OTC: variants seen among roughly 807,000 people sequenced by gnomAD.
OTC encodes ornithine transcarbamylase, mitochondrial.
In OTC, 3 loss-of-function variants were observed where a neutral mutation model predicts 30.3. The observed-to-expected ratio is 0.10, with a 90% CI of 0.05 to 0.26. OTC has a LOEUF of 0.26. OTC is among the 10% of genes least tolerant of loss of function. The pLI is 1.00. For missense variants in OTC, 194 were observed against 260.3 expected (o/e 0.75, Z 1.75); for synonymous variants, 111 against 99.7 (o/e 1.11, Z -0.67).
chrX:38,409,744 G>A (rs1373585213), intron 8 of OTC, among the ~76,000 whole-genome samples: 3 of 112,591 alleles, frequency 2.7e-5, no homozygotes, highest in African/African-American at 9.7e-5. Context: ...TGTCAGCAAA[G>A]CAACAAATCT....
chrX:38,346,268 T>C, the OTC span, among the ~76,000 whole-genome samples: 1 of 112,048 alleles, frequency 8.9e-6, no homozygotes, highest in Non-Finnish European at 1.9e-5. Context: ...TACATAACTG[T>C]TGGGGTGACA....
intron 8 of OTC, among the ~76,000 whole-genome samples, chrX:38,410,776 C>A (rs1156962602): frequency 8.9e-6 from 1 of 111,993 alleles, no homozygotes; most frequent in Admixed American, 9.5e-5. Context: ...GATTGAAGAA[C>A]AGTCATTTTG....
At chrX:38,408,711 C>T in intron 6 of OTC, 31 bp from the exon 7 acceptor site, 1 of 1,067,375 alleles carries the variant, frequency 9.4e-7, no homozygotes, top group Non-Finnish European at 1.3e-6. Flanking sequence ...ATAAAATTAC[C>T]TAAATAAGAT....
chrX:38,372,478 T>G (rs2068328004), intron 3 of OTC, among the ~76,000 whole-genome samples: 2 of 112,879 alleles, frequency 1.8e-5, no homozygotes, highest in African/African-American at 6.4e-5. Context: ...TCATGTTTTC[T>G]TCTAGTAAAA....
chrX:38,335,829 G>A, the OTC span, among the ~76,000 whole-genome samples: 1 of 111,503 alleles, frequency 9.0e-6, no homozygotes, highest in Non-Finnish European at 1.9e-5. Context: ...TTCTGTGGGC[G>A]ACTTTTTCCT....
the OTC span, among the ~76,000 whole-genome samples, chrX:38,332,044 G>A: frequency 9.1e-6 from 1 of 110,462 alleles, no homozygotes; most frequent in African/African-American, 3.3e-5. Context: ...TCCACCCCCT[G>A]TCAGATCAGT....
chrX:38,352,664 G>T lies in OTC; in HGVS notation c.-33G>T, dbSNP rs765809365. On this transcript the variant is annotated 5_prime_UTR_variant, in exon 1 of 10. Transcript: ENST00000039007. The stretch of plus-strand genomic sequence containing the variant: ...CTAACTTGCTGTGGAGTTTTCAAGG[G>T]CATAGAATCGTCCTTTACACAATTA... 7.3e-6 allele frequency: 8 copies of T among 1,089,851 alleles called. No individual in the cohort carries two copies. The East Asian group carries it at 2.4e-4, about 33-fold the overall frequency. The allele number at this position is 1,089,851 out of a possible 1,213,427, so 89.8% of individuals were successfully genotyped here. A position where few individuals can be genotyped will look rare whatever the true frequency, so the allele number is the denominator to read the frequency against.
intron 3 of OTC, among the ~76,000 whole-genome samples, chrX:38,370,405 G>A (rs1350013505): frequency 8.9e-6 from 1 of 111,745 alleles, no homozygotes; most frequent in East Asian, 2.8e-4. Flanking sequence ...CTGGTCCTTG[G>A]TCATTAGAAC....
chrX:38,340,459 G>GTTTTTTTTTTTTTTTTTTTTTTTTTT, the OTC span, among the ~76,000 whole-genome samples: 1 of 60,540 alleles, frequency 1.7e-5, no homozygotes, highest in Admixed American at 2.2e-4. Flanking sequence ...TTGTTTTTTT[G>GTTTTTTTTTTTTTTTTTTTTTTTTTT]TTTTTTTTTT....
chrX:38,407,684 T>C (rs1413373749), intron 6 of OTC, among the ~76,000 whole-genome samples: 1 of 111,491 alleles, frequency 9.0e-6, no homozygotes, highest in Non-Finnish European at 1.9e-5. Flanking sequence ...GCAAGATGTG[T>C]ACAGGGATGA....
intron 3 of OTC, among the ~76,000 whole-genome samples, chrX:38,370,287 T>A (rs1430902380): frequency 7.1e-5 from 8 of 112,096 alleles, no homozygotes; most frequent in African/African-American, 1.3e-4. Flanking sequence ...CAATCCTCAG[T>A]TGTTTTATGG....
intron 9 of OTC, among the ~76,000 whole-genome samples, chrX:38,415,938 G>A (rs1049207531): frequency 8.9e-6 from 1 of 112,405 alleles, no homozygotes; most frequent in African/African-American, 3.2e-5. Flanking sequence ...ATGCTCAATA[G>A]CCACATGTGG....
At chrX:38,362,294 A>G (rs183558774) in intron 1 of OTC, among the ~76,000 whole-genome samples, 1 of 111,777 alleles carries the variant, frequency 8.9e-6, no homozygotes, top group East Asian at 2.8e-4. Flanking sequence ...AAGTGATCTT[A>G]CTGCAAAACC....
chrX:38,377,082 T>G (rs1394085333), intron 3 of OTC, among the ~76,000 whole-genome samples: 1 of 111,835 alleles, frequency 8.9e-6, no homozygotes, highest in Non-Finnish European at 1.9e-5. Flanking sequence ...ACAAAACAAG[T>G]ACCCCAAATT....
chrX:38,342,894 G>T, the OTC span, among the ~76,000 whole-genome samples: 1 of 111,977 alleles, frequency 8.9e-6, no homozygotes, highest in Non-Finnish European at 1.9e-5. Context: ...CTTGAGAGAA[G>T]AAGGCTGTGT....
intron 3 of OTC, 125 bp downstream of exon 3, chrX:38,370,002 TG>T: frequency 2.1e-6 from 1 of 473,972 alleles, no homozygotes; most frequent in Non-Finnish European, 3.8e-6. Context: ...TCATTTTTAC[TG>T]GGAGCAGCAA....
the OTC span, among the ~76,000 whole-genome samples, chrX:38,330,748 C>G: frequency 1.8e-5 from 2 of 111,976 alleles, no homozygotes; most frequent in African/African-American, 6.5e-5. Context: ...CATCATCATT[C>G]AATTCTGAGG....
Position 38,367,406 on chromosome X carries a change from T to A in OTC, c.193T>A (p.Phe65Ile). ...YMLWLSADLK[F>I]RIKQKGEYLP... ...GCTATGGCTATCAGCAGATCTGAAA[T>A]TTAGGATAAAACAGAAAGGAGAGGT... The change falls in exon 2 of 10, where the codon TTT becomes ATT. Residue 65 changes from phenylalanine (F) to isoleucine (I), a missense_variant. Physicochemically the swap from Phe to Ile is conservative, Grantham distance 21. Coordinates refer to ENST00000039007, the MANE Select transcript of OTC (RefSeq NM_000531.6). 4 of 1,205,710 alleles carry A rather than the reference T, an allele frequency of 3.3e-6. No homozygotes were observed. The highest frequency in any genetic ancestry group is 4.5e-6 in the Non-Finnish European group (4 of 890,247).
intron 4 of OTC, among the ~76,000 whole-genome samples, chrX:38,400,068 A>G (rs2068477505): frequency 9.0e-6 from 1 of 110,984 alleles, no homozygotes; most frequent in Admixed American, 9.5e-5. Context: ...ATTGTCTTTC[A>G]CACCTTTTTG....
Sources: allele counts gnomAD v4.1 joint callset (sites outside exome capture counted in the v4.1 genomes callset), GRCh38; gene constraint gnomAD v4.1.1; transcripts MANE v1.5; gene names NCBI Gene and HGNC (gene_info 2026-07-23, HGNC 2026-07-21).